Variants in MTMR8 observed in about 807,000 individuals in gnomAD.
MTMR8 encodes the protein myotubularin related protein 8, also known as phosphatidylinositol-3,5-bisphosphate 3-phosphatase MTMR8.
In MTMR8, 65 loss-of-function variants were observed where a neutral mutation model predicts 39.3. That is an observed-to-expected ratio of 1.65 (90% CI 1.35 to 2.03). The LOEUF (loss-of-function observed/expected upper bound fraction) is 2.03. Among genes scored for constraint, MTMR8 ranks in the 30% most tolerant of loss-of-function variants. The probability of loss-of-function intolerance (pLI) is 0.00; values close to 1 mark genes in which losing one functional copy is unlikely to be tolerated. For missense variants in MTMR8, 777 were observed against 538.9 expected (o/e 1.44, Z -4.37); for synonymous variants, 245 against 185.2 (o/e 1.32, Z -2.62).
At chrX:64,388,155 G>A (rs775031292) in intron 1 of MTMR8, among the ~76,000 whole-genome samples, 1 of 111,636 alleles carries the variant, frequency 9.0e-6, no homozygotes, top group Non-Finnish European at 1.9e-5. Context: ...CACAATTATT[G>A]GTAACAAGTT....
chrX:64,361,475 A>G (rs759984312), intron 1 of MTMR8, among the ~76,000 whole-genome samples: 3 of 111,878 alleles, frequency 2.7e-5, no homozygotes, highest in Non-Finnish European at 5.7e-5. Flanking sequence ...GTATATTTTA[A>G]AAAATACATT....
At chrX:64,395,092 G>T (rs1037079750) in intron 1 of MTMR8, among the ~76,000 whole-genome samples, 1 of 112,155 alleles carries the variant, frequency 8.9e-6, no homozygotes, top group Non-Finnish European at 1.9e-5. Flanking sequence ...CACCAGGAGC[G>T]GGGGCGGCGT....
chrX:64,386,422 A>G (rs1924559773), intron 1 of MTMR8, among the ~76,000 whole-genome samples: 1 of 111,796 alleles, frequency 8.9e-6, no homozygotes, highest in African/African-American at 3.3e-5. Flanking sequence ...TTAAGTGAAA[A>G]GCCAGAGGGA....
At chrX:64,281,139 A>T (rs1427381280) in intron 12 of MTMR8, among the ~76,000 whole-genome samples, 1 of 111,640 alleles carries the variant, frequency 9.0e-6, no homozygotes, top group African/African-American at 3.3e-5. Context: ...TAATTTAGAG[A>T]TTCAATGCTC....
At chrX:64,269,750 G>A (rs887537429) in intron 13 of MTMR8, among the ~76,000 whole-genome samples, 10 of 110,613 alleles carry the variant, frequency 9.0e-5, no homozygotes, top group Admixed American at 1.9e-4. Flanking sequence ...TTACCTTGTT[G>A]TATTCTGTAT....
intron 12 of MTMR8, among the ~76,000 whole-genome samples, chrX:64,296,542 C>G (rs1024974317): frequency 2.8e-5 from 3 of 106,734 alleles, no homozygotes; most frequent in Non-Finnish European, 1.9e-5. Flanking sequence ...AAATGAACCA[C>G]AGATAGCCTC....
chrX:64,328,044 G>T (rs1922845784), intron 12 of MTMR8, among the ~76,000 whole-genome samples: 1 of 111,598 alleles, frequency 9.0e-6, no homozygotes, highest in Non-Finnish European at 1.9e-5. Context: ...ACTGAAAACA[G>T]AAGAGAACAT....
intron 12 of MTMR8, among the ~76,000 whole-genome samples, chrX:64,277,127 A>G (rs192216641): frequency 9.0e-6 from 1 of 110,663 alleles, no homozygotes; most frequent in African/African-American, 3.3e-5. Context: ...CTTTATTTTG[A>G]GCCTATGTGT....
At chrX:64,354,303 A>T (rs1923564306) in intron 4 of MTMR8, among the ~76,000 whole-genome samples, 1 of 110,337 alleles carries the variant, frequency 9.1e-6, no homozygotes, top group South Asian at 3.9e-4. Context: ...ATAACTGAAA[A>T]TGGAATTGGA....
rs778038928 is a variant in MTMR8 at position 64,331,757 on chromosome X, C to A, written c.1152G>T (p.Arg384Ser). The change falls in exon 11 of 14, where the codon AGG becomes AGT. Residue 384 changes from arginine to serine, a missense_variant and splice_region_variant. Transcript: ENST00000374852. ...TAGAGTCCCCATCGAGGTGGCCACA[C>A]CTGAGAGATGAAAATAAAGGTAAAG... ...WISMGHKFSQ[R>S]CGHLDGDSKE... is the part of the protein sequence containing the mutation. 56 of 1,195,769 alleles carry A rather than the reference C, an allele frequency of 4.7e-5. No individual in the cohort carries two copies. The highest frequency in any genetic ancestry group is 5.9e-5 in the Non-Finnish European group (52 of 883,820).
At chrX:64,367,124 T>C (rs1923986610) in intron 1 of MTMR8, among the ~76,000 whole-genome samples, 1 of 111,067 alleles carries the variant, frequency 9.0e-6, no homozygotes, top group African/African-American at 3.3e-5. Flanking sequence ...TAATAGCCTA[T>C]CAACCAAAAA....
chrX:64,368,504 G>C (rs1924040402), intron 1 of MTMR8, among the ~76,000 whole-genome samples: 1 of 111,726 alleles, frequency 9.0e-6, no homozygotes, highest in African/African-American at 3.3e-5. Context: ...AACAAGAAAT[G>C]GGGAAATAAT....
rs189480377 is a variant in MTMR8 at position 64,375,719 on chromosome X, C to A, written c.25-16192G>T. Among the ~76,000 whole-genome samples the A allele has an allele frequency of 5.7e-3, 640 of 111,732 alleles. 2 individuals are homozygous for A. The highest frequency in any genetic ancestry group is 0.02 in the African/African-American group (605 of 30,709). ...CACTGTCTATGAACCAGGAAGTAGGCCCTCTCCAGATACCAAATCTGCATG... is the reference window on the plus strand; with the variant it reads ...CACTGTCTATGAACCAGGAAGTAGGACCTCTCCAGATACCAAATCTGCATG... On this transcript the variant is annotated intron_variant, in intron 1 of 13. Transcript: ENST00000374852.
At chrX:64,323,100 G>A (rs1452183013) in intron 12 of MTMR8, among the ~76,000 whole-genome samples, 1 of 112,154 alleles carries the variant, frequency 8.9e-6, no homozygotes, top group Non-Finnish European at 1.9e-5. Flanking sequence ...CAGACATGTT[G>A]CTTCCATGGA....
intron 10 of MTMR8, among the ~76,000 whole-genome samples, chrX:64,334,712 G>A (rs780302800): frequency 3.9e-4 from 43 of 109,747 alleles, no homozygotes; most frequent in Non-Finnish European, 6.4e-4. Flanking sequence ...CCTCAAACAC[G>A]TAATCCTGTT....
intron 12 of MTMR8, among the ~76,000 whole-genome samples, chrX:64,295,032 A>C (rs1373563441): frequency 9.0e-6 from 1 of 110,636 alleles, no homozygotes; most frequent in African/African-American, 3.3e-5. Context: ...AACCTCCCAC[A>C]CTGGTAAAGA....
intron 12 of MTMR8, among the ~76,000 whole-genome samples, chrX:64,317,735 T>C (rs1349464240): frequency 8.9e-6 from 1 of 112,300 alleles, no homozygotes; most frequent in Admixed American, 9.4e-5. Flanking sequence ...GAAGAGACTC[T>C]GGATTGCATT....
chrX:64,269,159 CT>C (rs1931699890), intron 13 of MTMR8, 116 bp from the exon 14 acceptor site: 2 of 728,357 alleles, frequency 2.7e-6, no homozygotes, highest in Admixed American at 3.4e-5. Context: ...AGCAAATGAC[CT>C]TTTGCTCACC....
chrX:64,331,398 CT>C (rs1227342667), intron 11 of MTMR8, 158 bp downstream of exon 11: 5 of 460,821 alleles, frequency 1.1e-5, no homozygotes, highest in Admixed American at 7.8e-5. Flanking sequence ...TGAGAGATCT[CT>C]GTGCAAACAT....
Sources: gnomAD v4.1 joint callset for allele counts (sites outside exome capture counted in the v4.1 genomes callset) on GRCh38, gnomAD v4.1.1 for gene constraint, MANE v1.5 for transcripts, NCBI Gene and HGNC (gene_info 2026-07-23, HGNC 2026-07-21) for gene names.